The following ASB4 variants were observed in gnomAD, a reference collection of about 807,000 sequenced individuals.
The protein encoded by ASB4 is ankyrin repeat and SOCS box protein 4.
In ASB4, 35 loss-of-function variants were observed where a neutral mutation model predicts 38.6. The observed-to-expected ratio is 0.91, with a 90% CI of 0.69 to 1.20. The LOEUF (loss-of-function observed/expected upper bound fraction) is 1.20, where lower values mean the gene tolerates loss of function less well. ASB4 is among the 50% of genes most tolerant of loss of function. The pLI, the probability that ASB4 is intolerant of heterozygous loss-of-function variation, is 0.00. For missense variants in ASB4, 557 were observed against 527.2 expected, an observed-to-expected ratio of 1.06 and a Z score of -0.55; for synonymous variants, 195 against 201.3, an observed-to-expected ratio of 0.97 and a Z score of 0.26.
At chr7:95,535,013 G>A (rs1040608164) in intron 3 of ASB4, among the ~76,000 whole-genome samples, 14 of 152,142 alleles carry the variant, frequency 9.2e-5, no homozygotes, top group Admixed American at 7.9e-4. Flanking sequence ...CTCCATCCAG[G>A]TTGGCCTCTT....
chr7:95,516,643 A>C (rs1472906171), intron 2 of ASB4, among the ~76,000 whole-genome samples: 2 of 152,254 alleles, frequency 1.3e-5, no homozygotes, highest in Non-Finnish European at 2.9e-5. Context: ...GGCTTAAAAA[A>C]TACGAGTAGC....
At chr7:95,471,962 G>A in the ASB4 span, 4 of 151,926 alleles carry the variant, frequency 2.6e-5, no homozygotes, top group African/African-American at 4.8e-5. Context: ...GAGTCTATAC[G>A]CTTAAGTATT....
At chr7:95,517,323 C>A (rs1007158109) in intron 2 of ASB4, among the ~76,000 whole-genome samples, 2 of 152,144 alleles carry the variant, frequency 1.3e-5, no homozygotes, top group Admixed American at 1.3e-4. Context: ...CGTTAGCCAC[C>A]ATGCCAGGTC....
the ASB4 span, among the ~76,000 whole-genome samples, chr7:95,549,301 A>ATTTTTTTTTTTTTTTTTTTTTTTTTTTT: frequency 8.7e-6 from 1 of 114,850 alleles, no homozygotes; most frequent in Admixed American, 8.8e-5. Flanking sequence ...AGGAGACTCC[A>ATTTTTTTTTTTTTTTTTTTTTTTTTTTT]TTTTTTTTTT....
intron 1 of ASB4, 59 bp from the exon 2 acceptor site, chr7:95,495,697 CAG>C: frequency 6.7e-7 from 1 of 1,487,046 alleles, no homozygotes; most frequent in Non-Finnish European, 9.0e-7. Flanking sequence ...CCTCACAAAA[CAG>C]GGAGAAAGCC....
chr7:95,494,243 C>A (rs1790214706), intron 1 of ASB4, among the ~76,000 whole-genome samples: 2 of 152,192 alleles, frequency 1.3e-5, no homozygotes, highest in African/African-American at 2.4e-5. Context: ...AGTAGTTCAT[C>A]ATTTCTTGTA....
rs1273431204 is a variant in ASB4 at position 95,495,877 on chromosome 7, T to C, written c.307T>C (p.Cys103Arg). 2.5e-6 allele frequency: 4 copies of C among 1,614,106 alleles called. No individual in the cohort carries two copies. Among genetic ancestry groups the C allele is most frequent in the Non-Finnish European group, 2.5e-6 (3 of 1,180,012 alleles). The change falls in exon 2 of 5, where the codon TGT becomes CGT. Residue 103 changes from cysteine to arginine, a missense_variant. Physicochemically the swap from Cys to Arg is radical, Grantham distance 180. Transcript: ENST00000325885. ...ACTGGACCACAATGCTACAATCAAC[T>C]GTAGACCCAATGGGAAAACCCCTCT... is the stretch of plus-strand genomic sequence containing the variant. Reference protein sequence around the residue: ...VLLDHNATINCRPNGKTPLHV... With the variant: ...VLLDHNATINRRPNGKTPLHV...
chr7:95,509,142 G>C (rs1790448223), intron 2 of ASB4, among the ~76,000 whole-genome samples: 2 of 152,114 alleles, frequency 1.3e-5, no homozygotes, highest in African/African-American at 4.8e-5. Flanking sequence ...ATGTGAGTTA[G>C]GTGCTAAAAT....
intron 2 of ASB4, among the ~76,000 whole-genome samples, chr7:95,527,036 A>T (rs898899869): frequency 6.6e-6 from 1 of 152,242 alleles, no homozygotes; most frequent in Admixed American, 6.5e-5. Flanking sequence ...TATTTCTAAC[A>T]TCCTTTGTCA....
At chr7:95,485,450 G>A (rs140219037), upstream of ASB4, among the ~76,000 whole-genome samples, 1 of 151,928 alleles carries the variant, frequency 6.6e-6, no homozygotes, top group East Asian at 1.9e-4. Context: ...CCTCCTGTTT[G>A]TCTTCAGATA....
In ASB4 at chr7:95,538,170, GC is replaced by G. The variant is rs1157471560; in HGVS notation, c.*413del. On this transcript the variant is annotated 3_prime_UTR_variant, in exon 5 of 5. Transcript: ENST00000325885. ...GGCCATATAGCAGGCTTTGCAATTG[GC>G]CTCTTAAACTTGGTGTTTTCCCCCA... 3 of 155,450 alleles carry G rather than the reference GC, an allele frequency of 1.9e-5. No homozygotes were observed. The highest frequency in any genetic ancestry group is 4.3e-5 in the Non-Finnish European group (3 of 70,294). The allele number at this position is 155,450 out of a possible 1,614,324, so 9.6% of individuals were successfully genotyped here.
chr7:95,488,346 GAA>G (rs71719760), intron 1 of ASB4, among the ~76,000 whole-genome samples: 4 of 149,674 alleles, frequency 2.7e-5, no homozygotes, highest in African/African-American at 9.8e-5. Flanking sequence ...GTCTCAAAAA[GAA>G]AAAAAAAAAG....
intron 2 of ASB4, among the ~76,000 whole-genome samples, chr7:95,516,057 A>C (rs762907403): frequency 6.6e-6 from 1 of 152,174 alleles, no homozygotes; most frequent in Non-Finnish European, 1.5e-5. Flanking sequence ...TTGAGTCCAG[A>C]ACAGACAGAA....
downstream of ASB4, chr7:95,543,457 A>C (rs1054632391): frequency 6.6e-6 from 1 of 152,222 alleles, no homozygotes; most frequent in Non-Finnish European, 1.5e-5. Flanking sequence ...CACACAAAAA[A>C]CACTGTGACA....
rs753245430 is a variant in ASB4, at chr7:95,528,293, A to G, written c.968A>G (p.Gln323Arg). ...GGGGCTGCCCGAATATACCCTCCAC[A>G]GTTCCATAAGGTGAGGCTCTGCCCA... ...NHGAARIYPPQFHKVIQACHS... is the reference protein window; with the variant it reads ...NHGAARIYPPRFHKVIQACHS... Residue 323 changes from glutamine (Q) to arginine (R), a missense_variant, in exon 3 of 5, where the codon CAG (glutamine) becomes CGG (arginine). Coordinates refer to ENST00000325885, the MANE Select transcript of ASB4 (RefSeq NM_016116.3). The G allele has an allele frequency of 1.1e-5, 17 of 1,614,012 alleles. No individual in the cohort carries two copies. Among genetic ancestry groups the G allele is most frequent in the African/African-American group, 2.7e-5 (2 of 74,916 alleles).
chr7:95,498,923 C>T (rs1372977852), intron 2 of ASB4, among the ~76,000 whole-genome samples: 1 of 152,112 alleles, frequency 6.6e-6, no homozygotes, highest in Non-Finnish European at 1.5e-5. Flanking sequence ...ATCAAACTGC[C>T]TTAGTATTTT....
intron 2 of ASB4, among the ~76,000 whole-genome samples, chr7:95,519,305 C>G (rs185960430): frequency 6.6e-6 from 1 of 152,210 alleles, no homozygotes; most frequent in Admixed American, 6.5e-5. Context: ...CCAGAACATG[C>G]AGAAAATGAA....
rs1312069046 is a variant in ASB4, at chr7:95,537,632, T to G, written c.1154T>G (p.Met385Arg). ...TVCCNSPRTLMHLSRCAIRRT... is the reference protein window; with the variant it reads ...TVCCNSPRTLRHLSRCAIRRT... ...TGCTGTAACTCTCCAAGGACTCTCA[T>G]GCACTTATCGAGATGTGCCATTAGA... The change falls in exon 5 of 5, where the codon ATG becomes AGG. Residue 385 changes from methionine to arginine, a missense_variant. Physicochemically the swap from Met to Arg is moderately conservative, Grantham distance 91 (BLOSUM62 -1). Coordinates refer to ENST00000325885, the MANE Select transcript of ASB4 (RefSeq NM_016116.3). The G allele has an allele frequency of 1.2e-6, 2 of 1,613,772 alleles. No individual in the cohort carries two copies. The highest frequency in any genetic ancestry group is 2.7e-5 in the African/African-American group (2 of 74,932).
chr7:95,537,091 G>A (rs921802475), intron 4 of ASB4, among the ~76,000 whole-genome samples: 6 of 151,524 alleles, frequency 4.0e-5, no homozygotes, highest in Non-Finnish European at 5.9e-5. Flanking sequence ...GTCAAAGTCT[G>A]TCTGTAACAC....
Sources: allele counts gnomAD v4.1 joint callset (sites outside exome capture counted in the v4.1 genomes callset), GRCh38; gene constraint gnomAD v4.1.1; transcripts MANE v1.5; gene names NCBI Gene and HGNC (gene_info 2026-07-23, HGNC 2026-07-21).